Variants in PSG11 observed in about 807,000 individuals in gnomAD.
The protein encoded by PSG11 is pregnancy specific beta-1-glycoprotein 11.
Under a neutral mutation model 36.0 loss-of-function variants are expected in PSG11, and 42 were observed. That is an observed-to-expected ratio of 1.17 (90% CI 0.91 to 1.51). The LOEUF (loss-of-function observed/expected upper bound fraction) is 1.51. Ranked by LOEUF, PSG11 falls within the 40% of genes most tolerant of loss-of-function variation. The pLI is 0.00. For missense variants in PSG11, 558 were observed against 403.5 expected (o/e 1.38, Z -3.28); for synonymous variants, 206 against 153.5 (o/e 1.34, Z -2.53).
At chr19:43,009,429 A>T (rs575328073) in intron 5 of PSG11, among the ~76,000 whole-genome samples, 18 of 151,184 alleles carry the variant, frequency 1.2e-4, no homozygotes, top group African/African-American at 4.1e-4. Context: ...GGATGGAGGA[A>T]TTATACTAGG....
At chr19:43,026,166 C>A in intron 1 of PSG11, 143 bp downstream of exon 1, 1 of 1,303,758 alleles carries the variant, frequency 7.7e-7, no homozygotes. Context: ...TGATCTTGAA[C>A]TCCTGATCTC....
intron 2 of PSG11, among the ~76,000 whole-genome samples, chr19:43,022,014 G>T (rs1418915305): frequency 6.6e-6 from 1 of 151,470 alleles, no homozygotes; most frequent in African/African-American, 2.4e-5. Context: ...GAGAAATTTA[G>T]TTTATGGTTT....
chr19:43,020,862 A>G (rs1967085856), intron 2 of PSG11, among the ~76,000 whole-genome samples: 1 of 151,396 alleles, frequency 6.6e-6, no homozygotes, highest in Non-Finnish European at 1.5e-5. Context: ...GAGGACCCCA[A>G]AACAGGTATG....
Position 43,024,870 on chromosome 19 carries a change from A to G in PSG11, c.251T>C (p.Val84Ala). 6.2e-7 allele frequency: 1 copy of G among 1,611,750 alleles called. No homozygotes were observed. Among genetic ancestry groups the G allele is most frequent in the Non-Finnish European group, 8.5e-7 (1 of 1,179,062 alleles). The change falls in exon 2 of 6, where the codon GTA becomes GCA. Residue 84 changes from valine (V) to alanine (A), a missense_variant. Physicochemically the swap from Val to Ala is moderately conservative, Grantham distance 64. Coordinates refer to ENST00000320078, the MANE Select transcript of PSG11 (RefSeq NM_002785.3). ...DLYHYITSYV[V>A]DGQIIIYGPA... ...TCCATATATAATTATTTGACCGTCT[A>G]CTACATATGATGTAATGTAATGGTA...
At chr19:43,022,947 C>A (rs1220646239) in intron 2 of PSG11, among the ~76,000 whole-genome samples, 1 of 150,514 alleles carries the variant, frequency 6.6e-6, no homozygotes, top group South Asian at 2.1e-4. Flanking sequence ...AGAAGCTGTG[C>A]AGGACAGGGC....
intron 4 of PSG11, chr19:43,010,635 CTCTT>C: frequency 3.4e-6 from 1 of 291,690 alleles, no homozygotes; most frequent in Non-Finnish European, 6.6e-6. Context: ...AAACTTCTTT[CTCTT>C]TCTTTTTCAC....
At chr19:43,021,872 C>G (rs1463119292) in intron 2 of PSG11, among the ~76,000 whole-genome samples, 2 of 151,322 alleles carry the variant, frequency 1.3e-5, no homozygotes, top group African/African-American at 4.9e-5. Context: ...CCTGTCCAGC[C>G]TCTGACACCC....
At chr19:43,009,507 T>C (rs11668932) in intron 5 of PSG11, among the ~76,000 whole-genome samples, 30,584 of 150,934 alleles carry the variant, frequency 0.2, 4,036 homozygotes, top group East Asian at 0.34. Flanking sequence ...AATAGGCTAG[T>C]GTATACCCCT....
At chr19:43,011,007 C>T (rs1315018321) in intron 4 of PSG11, among the ~76,000 whole-genome samples, 1 of 150,354 alleles carries the variant, frequency 6.7e-6, no homozygotes. Flanking sequence ...ACACAATAAC[C>T]CTGTGAGGTA....
Position 43,014,431 on chromosome 19 carries a change from T to G in PSG11, c.964+685A>C. 8.4e-6 allele frequency: 8 copies of G among 956,404 alleles called. 1 individual carries two copies. Among genetic ancestry groups the G allele is most frequent in the Middle Eastern group, 5.3e-4 (1 of 1,872 alleles). 59.2% of individuals were successfully genotyped at this position (956,404 alleles called of 1,614,324 possible). On this transcript the variant is annotated intron_variant, in intron 4 of 5. Transcript: ENST00000320078. ...CCCACAGCCTCATACAGCCAGTGAC[T>G]TCAGAGCCAGGACGCAGCTCAGGAG...
intron 2 of PSG11, among the ~76,000 whole-genome samples, chr19:43,020,413 G>C (rs1967074961): frequency 6.6e-6 from 1 of 151,084 alleles, no homozygotes; most frequent in Admixed American, 6.6e-5. Context: ...TCTGGATTTG[G>C]GATGCTCCAT....
intron 3 of PSG11, among the ~76,000 whole-genome samples, chr19:43,017,036 A>G: frequency 6.6e-6 from 1 of 151,328 alleles, no homozygotes; most frequent in Non-Finnish European, 1.5e-5. Flanking sequence ...TAGGGACCTC[A>G]TGTAAATGGA....
chr19:43,025,171 A>ACT (rs1299278278), intron 1 of PSG11, 115 bp from the exon 2 acceptor site: 2 of 1,392,568 alleles, frequency 1.4e-6, no homozygotes, highest in Non-Finnish European at 2.0e-6. Flanking sequence ...ACACACACAC[A>ACT]CACACACACA....
intron 2 of PSG11, among the ~76,000 whole-genome samples, chr19:43,023,907 A>G (rs1967168058): frequency 6.6e-6 from 1 of 151,508 alleles, no homozygotes; most frequent in Non-Finnish European, 1.5e-5. Flanking sequence ...CACAAGCAGC[A>G]TTTATTATTA....
chr19:43,021,506 C>T (rs1376048975), intron 2 of PSG11, among the ~76,000 whole-genome samples: 4 of 151,284 alleles, frequency 2.6e-5, no homozygotes, highest in East Asian at 1.9e-4. Flanking sequence ...TGCCCACCAC[C>T]ATGCCCAGCT....
At chr19:43,017,574 T>A (rs1383142143) in intron 3 of PSG11, 4 of 151,502 alleles carry the variant, frequency 2.6e-5, no homozygotes, top group Non-Finnish European at 5.9e-5. Flanking sequence ...TTCACAGTGT[T>A]TCTGTTGTGG....
At chr19:43,015,633 G>A in intron 3 of PSG11, 2 of 1,489,306 alleles carry the variant, frequency 1.3e-6, no homozygotes, top group East Asian at 2.3e-5. Flanking sequence ...TTTTCCCAGG[G>A]CAGGGAGTCA....
chr19:43,022,871 C>A (rs4029161), intron 2 of PSG11, among the ~76,000 whole-genome samples: 2 of 150,116 alleles, frequency 1.3e-5, no homozygotes, highest in East Asian at 2.0e-4. Flanking sequence ...ACAGTGTTAG[C>A]GGGAAGGGAA....
chr19:43,024,641 A>G, intron 2 of PSG11, 50 bp downstream of exon 2: 1 of 1,609,424 alleles, frequency 6.2e-7, no homozygotes, highest in South Asian at 1.1e-5. Flanking sequence ...TGTGTGATGT[A>G]GAAGTGACCC....
Sources: allele counts gnomAD v4.1 joint callset (sites outside exome capture counted in the v4.1 genomes callset), GRCh38; gene constraint gnomAD v4.1.1; transcripts MANE v1.5; gene names NCBI Gene and HGNC (gene_info 2026-07-23, HGNC 2026-07-21).